ZNF831: variants seen among roughly 807,000 people sequenced by gnomAD.
The protein encoded by ZNF831 is zinc finger protein 831.
ZNF831 carries 59 observed loss-of-function variants against 95.8 expected under a neutral mutation model. The ratio of observed to expected loss-of-function variants is 0.62; its 90% CI spans 0.50 to 0.77. The LOEUF (loss-of-function observed/expected upper bound fraction) is 0.77, where lower values mean the gene tolerates loss of function less well. ZNF831 is among the 30% of genes least tolerant of loss of function. The probability of loss-of-function intolerance (pLI) is 0.00; values close to 1 mark genes in which losing one functional copy is unlikely to be tolerated. For synonymous variants in ZNF831, 961 were observed against 925.5 expected (o/e 1.04, Z -0.70); for missense variants, 2,205 against 2,164.0 (o/e 1.02, Z -0.38).
chr20:59,215,382 T>C (rs1380775312), intron 4 of ZNF831, among the ~76,000 whole-genome samples: 1 of 152,262 alleles, frequency 6.6e-6, no homozygotes, highest in Non-Finnish European at 1.5e-5. Context: ...AAGAACTACA[T>C]TGAGTTTATG....
At chr20:59,131,568 G>T (rs1979353238) in intron 1 of ZNF831, among the ~76,000 whole-genome samples, 1 of 152,206 alleles carries the variant, frequency 6.6e-6, no homozygotes, top group African/African-American at 2.4e-5. Flanking sequence ...ACCCCATGGT[G>T]GTCCTTTCCC....
chr20:59,243,893 T>G (rs1448765720), intron 4 of ZNF831, among the ~76,000 whole-genome samples: 1 of 152,196 alleles, frequency 6.6e-6, no homozygotes, highest in Non-Finnish European at 1.5e-5. Context: ...TAAAGTAGAT[T>G]CTCCTGATTC....
chr20:59,170,166 TAGTA>T (rs1192347998), intron 1 of ZNF831, among the ~76,000 whole-genome samples: 1 of 152,128 alleles, frequency 6.6e-6, no homozygotes, highest in Non-Finnish European at 1.5e-5. Flanking sequence ...TGTGGGTACA[TAGTA>T]GGTGTATATA....
chr20:59,229,443 C>G (rs1986610269), intron 4 of ZNF831, among the ~76,000 whole-genome samples: 1 of 152,098 alleles, frequency 6.6e-6, no homozygotes, highest in African/African-American at 2.4e-5. Context: ...AAAATCAGCC[C>G]CACCTCCTGA....
chr20:59,139,071 C>T lies in ZNF831; in HGVS notation c.-1424-7160C>T, dbSNP rs112965150. On this transcript the variant is annotated intron_variant, in intron 1 of 7. Transcript: ENST00000637017. ...TTATTTTATTTACATTTATAAATAA[C>T]GTGACAATTTATAAATAAAGTGTTT... Among the ~76,000 whole-genome samples, 12 of 152,048 alleles carry T rather than the reference C, an allele frequency of 7.9e-5. 1 individual carries two copies. The highest frequency in any genetic ancestry group is 2.4e-4 in the African/African-American group (10 of 41,456).
chr20:59,254,866 T>G lies in ZNF831; in HGVS notation c.*123T>G. 1 of 1,396,438 alleles carries G rather than the reference T, an allele frequency of 7.2e-7. No individual in the cohort carries two copies. Among genetic ancestry groups the G allele is most frequent in the Non-Finnish European group, 9.6e-7 (1 of 1,041,784 alleles). The allele number at this position is 1,396,438 out of a possible 1,614,324, so 86.5% of individuals were successfully genotyped here. A position where few individuals can be genotyped will look rare whatever the true frequency, so the allele number is the denominator to read the frequency against. On this transcript the variant is annotated 3_prime_UTR_variant, in exon 6 of 6. Transcript: ENST00000371030. The surrounding 1 kb of genome is among the most constrained non-coding windows in gnomAD (Gnocchi z 4.5). ...ACACCTACAGATTAGGAAAGCCATT[T>G]TGAGTTATTTACAAGCCAACTCCAA... is the stretch of plus-strand genomic sequence containing the variant.
chr20:59,154,359 T>A (rs1980412836), intron 2 of ZNF831, among the ~76,000 whole-genome samples: 1 of 152,096 alleles, frequency 6.6e-6, no homozygotes, highest in Non-Finnish European at 1.5e-5. Flanking sequence ...AGGACCCAGG[T>A]GGTGCGGTCC....
chr20:59,138,735 C>A (rs1197272070), intron 1 of ZNF831, among the ~76,000 whole-genome samples: 1 of 152,210 alleles, frequency 6.6e-6, no homozygotes, highest in African/African-American at 2.4e-5. Flanking sequence ...GTCCAGACAG[C>A]AGCTTCTCCA....
rs1184366607 is a variant in ZNF831 at position 59,194,657 on chromosome 20, G to A, written c.3638G>A (p.Gly1213Asp). Residue 1213 changes from glycine to aspartate, a missense_variant, in exon 2 of 6, where the codon GGT becomes GAT. Coordinates refer to ENST00000371030, the MANE Select transcript of ZNF831 (RefSeq NM_178457.3). ...ASVYLAVHFP[G>D]SSLRDEGPNG... ...GTGTACTTGGCGGTGCACTTTCCTG[G>A]TAGCAGCCTCCGAGATGAGGGTCCC... The A allele has an allele frequency of 6.2e-7, 1 of 1,613,416 alleles. No homozygotes were observed. The highest frequency in any genetic ancestry group is 8.5e-7 in the Non-Finnish European group (1 of 1,179,818).
chr20:59,234,288 G>A (rs259976), intron 4 of ZNF831, among the ~76,000 whole-genome samples: 78,461 of 152,024 alleles, frequency 0.52, 20,794 homozygotes, highest in East Asian at 0.86. Flanking sequence ...CTAGAGTTTA[G>A]AACAATATCC....
intron 2 of ZNF831, among the ~76,000 whole-genome samples, chr20:59,151,414 G>A (rs1980227750): frequency 6.6e-6 from 1 of 152,214 alleles, no homozygotes; most frequent in Non-Finnish European, 1.5e-5. Flanking sequence ...GCTACTGTGA[G>A]CGTTGACCAG....
intron 4 of ZNF831, among the ~76,000 whole-genome samples, chr20:59,235,486 A>G (rs549359016): frequency 6.6e-6 from 1 of 152,248 alleles, no homozygotes; most frequent in Non-Finnish European, 1.5e-5. Flanking sequence ...GTGTTTCCAG[A>G]GCAGAGTTAA....
chr20:59,203,672 T>A (rs1457070774), intron 3 of ZNF831, among the ~76,000 whole-genome samples: 2 of 152,180 alleles, frequency 1.3e-5, no homozygotes, highest in Non-Finnish European at 2.9e-5. Flanking sequence ...ATACTTGAAG[T>A]TTTTTTCAGG....
chr20:59,191,883 T>C lies in ZNF831; in HGVS notation c.864T>C (p.Pro288=). The change falls in exon 2 of 6, where the codon CCT becomes CCC. Residue 288 remains proline, a synonymous_variant. Transcript: ENST00000371030. ...APWDSAPMAS[P]GLPAASTQPW... ...GGGACTCTGCCCCCATGGCGTCACC[T>C]GGGCTCCCAGCGGCCAGCACACAAC... 1 of 1,612,976 alleles carries C rather than the reference T, an allele frequency of 6.2e-7. No individual in the cohort carries two copies. The highest frequency in any genetic ancestry group is 8.5e-7 in the Non-Finnish European group (1 of 1,179,942).
chr20:59,249,030 A>G lies in ZNF831; in HGVS notation c.4028-3948A>G, dbSNP rs547872870. Reference sequence around the variant, plus strand: ...ACCATCATCTTGCCCCTGCCCCTGCATTCACGACTGTCCTTCCACATTGGC... The same window carrying G: ...ACCATCATCTTGCCCCTGCCCCTGCGTTCACGACTGTCCTTCCACATTGGC... On this transcript the variant is annotated intron_variant, in intron 4 of 5. Coordinates refer to ENST00000371030, the MANE Select transcript of ZNF831 (RefSeq NM_178457.3). Among the ~76,000 whole-genome samples, 31 of 152,304 alleles carry G rather than the reference A, an allele frequency of 2.0e-4. No individual in the cohort carries two copies. In the East Asian group the frequency reaches 6.0e-3, roughly 29 times the overall value.
chr20:59,178,851 GCTGTGCA>G (rs1201543639), intron 1 of ZNF831, among the ~76,000 whole-genome samples: 2 of 152,152 alleles, frequency 1.3e-5, no homozygotes, highest in Non-Finnish European at 2.9e-5. Flanking sequence ...TCCTAGGGAG[GCTGTGCA>G]GCTCATCTGA....
At chr20:59,237,198 G>T (rs1011673999) in intron 4 of ZNF831, among the ~76,000 whole-genome samples, 1 of 152,146 alleles carries the variant, frequency 6.6e-6, no homozygotes. Context: ...AGTGGGAGAA[G>T]TACTTTTGAG....
intron 3 of ZNF831, among the ~76,000 whole-genome samples, chr20:59,203,892 A>C (rs1290595783): frequency 6.6e-6 from 1 of 152,224 alleles, no homozygotes; most frequent in African/African-American, 2.4e-5. Flanking sequence ...AGAGGCATAG[A>C]GATCCGGAGC....
At chr20:59,164,389 T>C (rs758200688) in intron 1 of ZNF831, among the ~76,000 whole-genome samples, 182 bp downstream of exon 1, 3 of 152,232 alleles carry the variant, frequency 2.0e-5, no homozygotes, top group Non-Finnish European at 2.9e-5. Flanking sequence ...GCTGTTGCTT[T>C]TGTCAAAATA....
Sources: gnomAD v4.1 joint callset for allele counts (sites outside exome capture counted in the v4.1 genomes callset) on GRCh38, gnomAD v4.1.1 for gene constraint, Gnocchi (gnomAD v3.1) non-coding constraint, MANE v1.5 for transcripts, NCBI Gene and HGNC (gene_info 2026-07-23, HGNC 2026-07-21) for gene names.